The following BCAR3 variants were observed in gnomAD, a reference collection of about 807,000 sequenced individuals.
BCAR3 encodes the protein breast cancer anti-estrogen resistance protein 3.
A neutral mutation model predicts 80.1 loss-of-function variants in BCAR3; 37 were observed. The ratio of observed to expected loss-of-function variants is 0.46; its 90% CI spans 0.36 to 0.61. The LOEUF (loss-of-function observed/expected upper bound fraction) is 0.61. Ranked by LOEUF, BCAR3 falls within the 20% of genes least tolerant of loss-of-function variation. The pLI, the probability that BCAR3 is intolerant of heterozygous loss-of-function variation, is 0.00. For missense variants in BCAR3, 978 were observed against 1,068.2 expected, an observed-to-expected ratio of 0.92 and a Z score of 1.18; for synonymous variants, 389 against 418.9, an observed-to-expected ratio of 0.93 and a Z score of 0.87.
At chr1:93,726,161 C>T (rs1650574844) in intron 2 of BCAR3, among the ~76,000 whole-genome samples, 1 of 152,050 alleles carries the variant, frequency 6.6e-6, no homozygotes, top group Non-Finnish European at 1.5e-5. Context: ...ACCTCCTAGG[C>T]TCCAGCGGTT....
intron 2 of BCAR3, among the ~76,000 whole-genome samples, chr1:93,829,642 C>G (rs990547691): frequency 2.6e-5 from 4 of 152,040 alleles, no homozygotes; most frequent in Non-Finnish European, 5.9e-5. Context: ...CGAGCCACCA[C>G]GCCTGGCCTA....
intron 9 of BCAR3, among the ~76,000 whole-genome samples, chr1:93,570,248 T>C (rs1228703962): frequency 6.6e-6 from 1 of 152,134 alleles, no homozygotes; most frequent in East Asian, 1.9e-4. Context: ...TTGCGGGACA[T>C]GTGATTGTGG....
chr1:93,701,393 A>T (rs1649635459), intron 3 of BCAR3, among the ~76,000 whole-genome samples: 1 of 152,190 alleles, frequency 6.6e-6, no homozygotes, highest in African/African-American at 2.4e-5. Flanking sequence ...TTGGAATGGA[A>T]GTCAGGGTTC....
intron 3 of BCAR3, among the ~76,000 whole-genome samples, chr1:93,622,091 C>G (rs984547193): frequency 8.5e-5 from 13 of 152,086 alleles, no homozygotes; most frequent in African/African-American, 2.9e-4. Context: ...AGTAGAGACA[C>G]AGTTTCATCA....
intron 2 of BCAR3, among the ~76,000 whole-genome samples, chr1:93,718,523 T>C (rs1650268581): frequency 1.3e-5 from 2 of 152,040 alleles, no homozygotes; most frequent in African/African-American, 4.8e-5. Flanking sequence ...CATGCACTAC[T>C]TCACACCTCT....
intron 2 of BCAR3, among the ~76,000 whole-genome samples, chr1:93,774,882 T>A (rs533138790): frequency 6.6e-6 from 1 of 152,336 alleles, no homozygotes; most frequent in African/African-American, 2.4e-5. Flanking sequence ...TGGCAAGAGA[T>A]GTCTTGTATA....
chr1:93,636,578 A>T (rs1226058463), intron 3 of BCAR3, among the ~76,000 whole-genome samples: 1 of 152,064 alleles, frequency 6.6e-6, no homozygotes. Context: ...AAAAACAGGC[A>T]TTCCAATATT....
chr1:93,752,390 T>A (rs1651588881), intron 2 of BCAR3, among the ~76,000 whole-genome samples: 1 of 152,210 alleles, frequency 6.6e-6, no homozygotes. Context: ...GCAATGAGCA[T>A]CTACCTGGGC....
chr1:93,562,518 C>T (rs1220224785), intron 11 of BCAR3, 99 bp from the exon 12 acceptor site: 1 of 1,148,262 alleles, frequency 8.7e-7, no homozygotes, highest in Admixed American at 2.4e-5. Flanking sequence ...GCCTGTAATC[C>T]CAGCACTTTG....
At chr1:93,637,978 G>A (rs369070811) in intron 3 of BCAR3, among the ~76,000 whole-genome samples, 6 of 152,166 alleles carry the variant, frequency 3.9e-5, no homozygotes, top group South Asian at 4.2e-4. Context: ...GCTGGGGCGC[G>A]GTGGCTCACG....
At chr1:93,589,924 C>A (rs1054624849) in intron 4 of BCAR3, among the ~76,000 whole-genome samples, 1 of 152,098 alleles carries the variant, frequency 6.6e-6, no homozygotes, top group Non-Finnish European at 1.5e-5. Context: ...AAAATGTGTG[C>A]CTGGCAGGCC....
At chr1:93,774,781 A>G (rs1287107453) in intron 2 of BCAR3, among the ~76,000 whole-genome samples, 2 of 152,216 alleles carry the variant, frequency 1.3e-5, no homozygotes, top group Admixed American at 6.5e-5. Context: ...ATCTTCAATG[A>G]CATCTGAAAA....
At chr1:93,832,448 G>A (rs575653486) in intron 2 of BCAR3, among the ~76,000 whole-genome samples, 24 of 152,190 alleles carry the variant, frequency 1.6e-4, no homozygotes, top group Non-Finnish European at 3.2e-4. Context: ...CAACCTGGCA[G>A]CCACTCCTAG....
chr1:93,668,878 A>AT (rs1159468604), intron 2 of BCAR3, among the ~76,000 whole-genome samples: 1 of 151,750 alleles, frequency 6.6e-6, no homozygotes, highest in Non-Finnish European at 1.5e-5. Context: ...CGCCCAACTA[A>AT]TTTTTGTATT....
rs564674642 is a variant in BCAR3 at position 93,615,920 on chromosome 1, G to A, written c.358-23527C>T. On this transcript the variant is annotated intron_variant, in intron 3 of 11. Coordinates refer to ENST00000260502, the MANE Select transcript of BCAR3 (RefSeq NM_003567.4). ...ATCCCAGGCCTGAGAAAAGGGAGGG[G>A]GGCAGTGACTGAAATCCTGCACAGA... is the stretch of plus-strand genomic sequence containing the variant. Among the ~76,000 whole-genome samples, 47 of 152,146 alleles carry A rather than the reference G, an allele frequency of 3.1e-4. 1 individual carries two copies. Among genetic ancestry groups the A allele is most frequent in the Non-Finnish European group, 5.3e-4 (36 of 68,022 alleles).
At chr1:93,658,857 T>C (rs868822883) in intron 2 of BCAR3, among the ~76,000 whole-genome samples, 18 of 152,324 alleles carry the variant, frequency 1.2e-4, no homozygotes, top group Middle Eastern at 3.4e-3. Context: ...AAGATGAGTG[T>C]AGCCAGTAGG....
At position 93,774,302 on chromosome 1, in the gene BCAR3, G is replaced by A. The variant is rs528663103; in HGVS notation, c.-62-68160C>T. Among the ~76,000 whole-genome samples, 6 of 152,104 alleles carry A rather than the reference G, an allele frequency of 3.9e-5. No individual in the cohort carries two copies. In the East Asian group the frequency reaches 1.2e-3, roughly 30 times the overall value. ...AGATCGAGACCATCCTGGTCAACAT[G>A]GTGAAACCTTGCCTCTGCTAAAAAT... On this transcript the variant is annotated intron_variant, in intron 2 of 13. Transcript: ENST00000370244.
At chr1:93,751,709 C>A (rs943895911) in intron 2 of BCAR3, among the ~76,000 whole-genome samples, 8 of 152,200 alleles carry the variant, frequency 5.3e-5, no homozygotes, top group African/African-American at 1.4e-4. Flanking sequence ...CCTCTTGGCC[C>A]CCAGAGCCAT....
intron 2 of BCAR3, among the ~76,000 whole-genome samples, chr1:93,660,269 A>C (rs957647436): frequency 7.2e-5 from 11 of 151,856 alleles, no homozygotes; most frequent in Non-Finnish European, 1.5e-4. Context: ...CTCAGACAGA[A>C]CTCCCTCAGC....
Sources: allele counts gnomAD v4.1 joint callset (sites outside exome capture counted in the v4.1 genomes callset), GRCh38; gene constraint gnomAD v4.1.1; transcripts MANE v1.5; gene names NCBI Gene and HGNC (gene_info 2026-07-23, HGNC 2026-07-21).